The following DYNC2I1 variants were observed in gnomAD, a reference collection of about 807,000 sequenced individuals.
The protein encoded by DYNC2I1 is dynein 2 intermediate chain 1, also known as cytoplasmic dynein 2 intermediate chain 1.
A neutral mutation model predicts 133.4 loss-of-function variants in DYNC2I1; 89 were observed. That is an observed-to-expected ratio of 0.67 (90% CI 0.56 to 0.80). The LOEUF (loss-of-function observed/expected upper bound fraction) is 0.80. Among genes scored for constraint, DYNC2I1 ranks in the 30% least tolerant of loss-of-function variants. The pLI is 0.00. For synonymous variants in DYNC2I1, 504 were observed against 484.3 expected (o/e 1.04, Z -0.54); for missense variants, 1,291 against 1,314.5 (o/e 0.98, Z 0.28).
the DYNC2I1 span, among the ~76,000 whole-genome samples, chr7:158,844,098 G>C: frequency 6.6e-6 from 1 of 152,148 alleles, no homozygotes; most frequent in Non-Finnish European, 1.5e-5. Context: ...TACAGCCATC[G>C]GTTTGGGAAC....
At chr7:158,868,300 G>A (rs934175972) in intron 1 of DYNC2I1, among the ~76,000 whole-genome samples, 3 of 152,154 alleles carry the variant, frequency 2.0e-5, no homozygotes, top group African/African-American at 7.2e-5. Flanking sequence ...TTCCCGGCAC[G>A]CACAGTGTGG....
At chr7:158,953,388 G>C (rs896126211) in intron 4 of DYNC2I1, among the ~76,000 whole-genome samples, 1 of 152,216 alleles carries the variant, frequency 6.6e-6, no homozygotes, top group Non-Finnish European at 1.5e-5. Context: ...ATGCAGGTTA[G>C]AATAAAGTAA....
At chr7:158,953,212 CTG>C (rs1380603812) in intron 4 of DYNC2I1, among the ~76,000 whole-genome samples, 1 of 124,040 alleles carries the variant, frequency 8.1e-6, no homozygotes, top group East Asian at 3.2e-4. Flanking sequence ...TTGAGTGACA[CTG>C]AGATGACCCA....
chr7:158,945,493 C>A lies in DYNC2I1; in HGVS notation c.3003-88C>A. 1 of 1,363,352 alleles carries A rather than the reference C, an allele frequency of 7.3e-7. No individual in the cohort carries two copies. The highest frequency in any genetic ancestry group is 9.9e-7 in the Non-Finnish European group (1 of 1,008,056). 84.5% of individuals were successfully genotyped at this position (1,363,352 alleles called of 1,614,324 possible). A position where few individuals can be genotyped will look rare whatever the true frequency, so the allele number is the denominator to read the frequency against. ...AATTTCTCATCCGTTTCACTCTTCCCATGGAAGGTAGACATTTTGAAGACT... is the reference window on the plus strand; with the variant it reads ...AATTTCTCATCCGTTTCACTCTTCCAATGGAAGGTAGACATTTTGAAGACT... On this transcript the variant is annotated intron_variant, in intron 24 of 24. Coordinates refer to ENST00000407559, the MANE Select transcript of DYNC2I1 (RefSeq NM_018051.5). This position sits in a 1 kb window ranked among gnomAD's most constrained non-coding sequence, Gnocchi z 4.1.
chr7:158,890,984 T>C (rs1845156387), intron 7 of DYNC2I1, among the ~76,000 whole-genome samples: 1 of 152,226 alleles, frequency 6.6e-6, no homozygotes, highest in Non-Finnish European at 1.5e-5. Context: ...GTGTATCCTT[T>C]TATCCACTCC....
chr7:158,873,398 T>C (rs1014873815), intron 3 of DYNC2I1, among the ~76,000 whole-genome samples: 19 of 152,222 alleles, frequency 1.2e-4, no homozygotes, highest in African/African-American at 3.9e-4. Flanking sequence ...ATGTCTCTTA[T>C]AGACACGGTG....
chr7:158,943,278 G>A (rs1394630878), intron 24 of DYNC2I1, among the ~76,000 whole-genome samples: 1 of 152,196 alleles, frequency 6.6e-6, no homozygotes, highest in Non-Finnish European at 1.5e-5. Flanking sequence ...TATTATTCCA[G>A]AAAGCATGTC....
chr7:158,856,213 T>G (rs1169863810), upstream of DYNC2I1, among the ~76,000 whole-genome samples: 3 of 152,144 alleles, frequency 2.0e-5, no homozygotes, highest in Admixed American at 2.0e-4. Flanking sequence ...CCCAAAGTGC[T>G]GGGATTACAG....
At chr7:158,840,721 G>A in the DYNC2I1 span, among the ~76,000 whole-genome samples, 3 of 152,336 alleles carry the variant, frequency 2.0e-5, no homozygotes, top group East Asian at 5.8e-4. Context: ...GGGCCCCAGT[G>A]GGGGAGGTTT....
intron 8 of DYNC2I1, among the ~76,000 whole-genome samples, chr7:158,896,338 G>A (rs1845761855): frequency 6.6e-6 from 1 of 152,160 alleles, no homozygotes; most frequent in African/African-American, 2.4e-5. Context: ...TCCATTTACT[G>A]ATATGATCTT....
intron 1 of DYNC2I1, among the ~76,000 whole-genome samples, chr7:158,860,601 A>G (rs753254117): frequency 1.2e-4 from 18 of 152,172 alleles, no homozygotes; most frequent in Non-Finnish European, 2.4e-4. Flanking sequence ...TCTTTAATTT[A>G]TCTTGTTTAC....
chr7:158,925,619 T>C (rs117139888), intron 17 of DYNC2I1, among the ~76,000 whole-genome samples: 379 of 152,342 alleles, frequency 2.5e-3, no homozygotes, highest in Middle Eastern at 0.01. Flanking sequence ...GCTTTATTGA[T>C]TGGCGACAGG....
chr7:158,885,948 C>A (rs376375529), intron 6 of DYNC2I1, among the ~76,000 whole-genome samples: 1 of 151,092 alleles, frequency 6.6e-6, no homozygotes, highest in South Asian at 2.1e-4. Flanking sequence ...TATTTTAGGT[C>A]CTAACATGAA....
rs1478796075 is a variant in DYNC2I1, at chr7:158,871,390, G to A, written c.318G>A (p.Glu106=). 6.4e-7 allele frequency: 1 copy of A among 1,551,296 alleles called. No homozygotes were observed. The highest frequency in any genetic ancestry group is 8.7e-7 in the Non-Finnish European group (1 of 1,146,890). Residue 106 remains glutamate (E), a synonymous_variant, in exon 3 of 25, where the codon GAG becomes GAA. Transcript: ENST00000407559. ...AKDREKEKLK[E]KHREAEKSHS... ...ACCGGGAGAAAGAAAAGCTGAAGGA[G>A]AAACATCGAGAGGCAGAAAAGTCTC...
At chr7:158,949,213 C>T (rs909562860), downstream of DYNC2I1, among the ~76,000 whole-genome samples, 2 of 152,258 alleles carry the variant, frequency 1.3e-5, no homozygotes, top group African/African-American at 2.4e-5. Context: ...AATGTAATTT[C>T]GCCAGAAATA....
In DYNC2I1 at chr7:158,930,473, G is replaced by T; in HGVS notation, c.2504G>T (p.Arg835Met). 1 of 1,612,982 alleles carries T rather than the reference G, an allele frequency of 6.2e-7. No individual in the cohort carries two copies. The highest frequency in any genetic ancestry group is 8.5e-7 in the Non-Finnish European group (1 of 1,179,560). The change falls in exon 21 of 25, where the codon AGG (arginine) becomes ATG (methionine). Residue 835 changes from arginine to methionine, a missense_variant. Arg to Met is a moderately conservative substitution (Grantham distance 91). Coordinates refer to ENST00000407559, the MANE Select transcript of DYNC2I1 (RefSeq NM_018051.5). ...TTTTTAGGTCTGATGCCTGGAGGGA[G>T]GGTCAAGCTGGTACATAGTGCTCTG... The part of the protein sequence containing the change: ...ISDLGLMPGG[R>M]VKLVHSALIQ...
rs781197974 is a variant in DYNC2I1, at chr7:158,905,961, A to G, written c.1358-28A>G. The G allele has an allele frequency of 3.7e-5, 59 of 1,581,736 alleles. No individual in the cohort carries two copies. The Admixed American group carries it at 1.0e-3, about 27-fold the overall frequency. ...CTTGGAAGACATATTTCCGTGTTGG[A>G]AAAATAGTGTTTTTCTCCCTCACAC... On this transcript the variant is annotated intron_variant, in intron 10 of 24. Coordinates refer to ENST00000407559, the MANE Select transcript of DYNC2I1 (RefSeq NM_018051.5).
In DYNC2I1 at chr7:158,926,574, G is replaced by A. The variant is rs567060298; in HGVS notation, c.2433+111G>A. 2.9e-4 allele frequency: 353 copies of A among 1,218,844 alleles called. 2 individuals are homozygous for A. The highest frequency in any genetic ancestry group is 5.5e-4 in the South Asian group (41 of 74,160). The allele number at this position is 1,218,844 out of a possible 1,614,324, so 75.5% of individuals were successfully genotyped here. On this transcript the variant is annotated intron_variant, in intron 19 of 24. Coordinates refer to ENST00000407559, the MANE Select transcript of DYNC2I1 (RefSeq NM_018051.5). The stretch of plus-strand genomic sequence containing the variant: ...GACCCAGTTAGCTGTGGTGGGAAAC[G>A]GAGAGCAAGACTGGGCTTCTTGGTC...
intron 6 of DYNC2I1, 96 bp downstream of exon 6, chr7:158,884,715 A>C (rs1256054974): frequency 7.7e-7 from 1 of 1,306,602 alleles, no homozygotes; most frequent in East Asian, 2.5e-5. Flanking sequence ...CGGCCAGTCC[A>C]TGGCAATCAG....
Sources: allele counts gnomAD v4.1 joint callset (sites outside exome capture counted in the v4.1 genomes callset), GRCh38; gene constraint gnomAD v4.1.1; non-coding constraint Gnocchi (gnomAD v3.1); transcripts MANE v1.5; gene names NCBI Gene and HGNC (gene_info 2026-07-23, HGNC 2026-07-21).